Variants in PIK3C2G observed in about 807,000 individuals in gnomAD.
The protein encoded by PIK3C2G is phosphatidylinositol-4-phosphate 3-kinase catalytic subunit type 2 gamma, also known as phosphatidylinositol 3-kinase C2 domain-containing subunit gamma.
In PIK3C2G, 168 loss-of-function variants were observed where a neutral mutation model predicts 181.1. The observed-to-expected ratio is 0.93, with a 90% CI of 0.82 to 1.05. The LOEUF (loss-of-function observed/expected upper bound fraction) is 1.05, where lower values mean the gene tolerates loss of function less well. PIK3C2G is among the 50% of genes least tolerant of loss of function. The pLI, the probability that PIK3C2G is intolerant of heterozygous loss-of-function variation, is 0.00. For synonymous variants in PIK3C2G, 573 were observed against 592.2 expected (o/e 0.97, Z 0.47); for missense variants, 1,869 against 1,732.8 (o/e 1.08, Z -1.40).
chr12:18,711,278 G>A, the PIK3C2G span, among the ~76,000 whole-genome samples: 27 of 148,426 alleles, frequency 1.8e-4, no homozygotes, highest in East Asian at 3.8e-3. Context: ...GCAAACTATC[G>A]CAAGGACAAA....
intron 18 of PIK3C2G, among the ~76,000 whole-genome samples, chr12:18,464,709 G>T (rs1937665894): frequency 6.6e-6 from 1 of 151,962 alleles, no homozygotes; most frequent in African/African-American, 2.4e-5. Context: ...AATTGTATGT[G>T]TCTTCTGCAA....
the PIK3C2G span, among the ~76,000 whole-genome samples, chr12:18,706,583 G>A: frequency 1.4e-4 from 22 of 152,228 alleles, no homozygotes; most frequent in African/African-American, 3.6e-4. Flanking sequence ...TCTCATTGCT[G>A]TAACTTCAAA....
chr12:18,299,181 G>A (rs549775083), intron 5 of PIK3C2G, among the ~76,000 whole-genome samples: 2 of 152,058 alleles, frequency 1.3e-5, no homozygotes, highest in South Asian at 4.1e-4. Context: ...AGCATGGGAT[G>A]TCTTTCCATT....
chr12:18,304,326 G>A lies in PIK3C2G; in HGVS notation c.1035-9636G>A, dbSNP rs182125242. 1.8e-3 allele frequency among the ~76,000 whole-genome samples: 273 copies of A among 152,086 alleles called. 1 individual carries two copies. Among genetic ancestry groups the A allele is most frequent in the African/African-American group, 6.4e-3 (264 of 41,478 alleles). On this transcript the variant is annotated intron_variant, in intron 5 of 32. Coordinates refer to ENST00000538779, the MANE Select transcript of PIK3C2G (RefSeq NM_001288772.2). ...GGCTGGAGTGCAGTGGCACAATCTC[G>A]TCTCACTGCAACCTCTGCCTCCTGG...
intron 1 of PIK3C2G, among the ~76,000 whole-genome samples, chr12:18,252,755 GAA>G (rs1330698842): frequency 8.5e-5 from 13 of 152,144 alleles, no homozygotes; most frequent in African/African-American, 2.9e-4. Flanking sequence ...CCTCTCCAAA[GAA>G]AAGTCTTATG....
the PIK3C2G span, among the ~76,000 whole-genome samples, chr12:18,682,091 C>T: frequency 6.6e-6 from 1 of 151,976 alleles, no homozygotes; most frequent in Non-Finnish European, 1.5e-5. Flanking sequence ...GAAGGGTGTG[C>T]ACTGATCTTA....
intron 18 of PIK3C2G, among the ~76,000 whole-genome samples, chr12:18,443,693 A>G (rs1435810194): frequency 6.6e-6 from 1 of 152,226 alleles, no homozygotes; most frequent in East Asian, 1.9e-4. Flanking sequence ...GAAAAGTGAT[A>G]CCATGATAAT....
chr12:18,706,074 A>G, the PIK3C2G span, among the ~76,000 whole-genome samples: 1 of 151,900 alleles, frequency 6.6e-6, no homozygotes, highest in Admixed American at 6.6e-5. Context: ...TAAAAATGCA[A>G]AAAAGAAAAT....
upstream of PIK3C2G, among the ~76,000 whole-genome samples, chr12:18,258,974 C>A (rs1948175960): frequency 6.6e-6 from 1 of 152,034 alleles, no homozygotes; most frequent in Non-Finnish European, 1.5e-5. Flanking sequence ...TTCTAAATAA[C>A]TTGATCAAAA....
At chr12:18,562,499 G>C (rs980324687) in intron 26 of PIK3C2G, among the ~76,000 whole-genome samples, 2 of 152,180 alleles carry the variant, frequency 1.3e-5, no homozygotes, top group Admixed American at 6.5e-5. Context: ...CATCACAAGA[G>C]TTTCTTGTAT....
chr12:18,312,185 C>T (rs1393826637), intron 5 of PIK3C2G, among the ~76,000 whole-genome samples: 1 of 152,134 alleles, frequency 6.6e-6, no homozygotes, highest in African/African-American at 2.4e-5. Context: ...AGGAACAATG[C>T]TTTGCATCCT....
intron 24 of PIK3C2G, among the ~76,000 whole-genome samples, chr12:18,519,066 G>A (rs1220613532): frequency 1.3e-5 from 2 of 152,188 alleles, no homozygotes; most frequent in Non-Finnish European, 2.9e-5. Context: ...TTAATACTGA[G>A]TTCTAATTTG....
chr12:18,366,549 T>C (rs867925050), intron 12 of PIK3C2G, among the ~76,000 whole-genome samples: 39 of 151,980 alleles, frequency 2.6e-4, no homozygotes, highest in African/African-American at 9.4e-4. Flanking sequence ...AATAAATAAA[T>C]AATTAAAAGT....
chr12:18,397,410 A>AT (rs1404658570), intron 15 of PIK3C2G, among the ~76,000 whole-genome samples: 1 of 152,006 alleles, frequency 6.6e-6, no homozygotes, highest in Non-Finnish European at 1.5e-5. Flanking sequence ...ATATGGCAAA[A>AT]TTTTTGTATT....
At chr12:18,261,730 T>C (rs1230678612) in intron 1 of PIK3C2G, among the ~76,000 whole-genome samples, 153 bp downstream of exon 1, 1 of 152,166 alleles carries the variant, frequency 6.6e-6, no homozygotes, top group African/African-American at 2.4e-5. Context: ...GTGCCATATT[T>C]TGAAACAGAG....
At chr12:18,392,997 A>T (rs1943630254) in intron 15 of PIK3C2G, among the ~76,000 whole-genome samples, 1 of 152,132 alleles carries the variant, frequency 6.6e-6, no homozygotes, top group East Asian at 1.9e-4. Context: ...CTTACTTGAA[A>T]ATGTAAAACC....
upstream of PIK3C2G, among the ~76,000 whole-genome samples, chr12:18,260,110 A>G (rs1170305755): frequency 6.6e-6 from 1 of 152,028 alleles, no homozygotes; most frequent in Non-Finnish European, 1.5e-5. Context: ...TTAATCTTTG[A>G]GTTTTATCAA....
At chr12:18,391,342 G>C in intron 15 of PIK3C2G, 90 bp downstream of exon 15, 1 of 943,358 alleles carries the variant, frequency 1.1e-6, no homozygotes, top group Non-Finnish European at 1.5e-6. Flanking sequence ...CAAAGAGTGA[G>C]TGTTCCTTCC....
At chr12:18,681,124 T>C in the PIK3C2G span, among the ~76,000 whole-genome samples, 446 of 152,128 alleles carry the variant, frequency 2.9e-3, 4 homozygotes, top group African/African-American at 9.9e-3. Flanking sequence ...TGAAACTGTT[T>C]ATTGTTCAAC....
Sources: allele counts gnomAD v4.1 joint callset (sites outside exome capture counted in the v4.1 genomes callset), GRCh38; gene constraint gnomAD v4.1.1; transcripts MANE v1.5; gene names NCBI Gene and HGNC (gene_info 2026-07-23, HGNC 2026-07-21).